DLGAP2: variants seen among roughly 807,000 people sequenced by gnomAD.
DLGAP2 encodes DLG associated protein 2.
A neutral mutation model predicts 100.3 loss-of-function variants in DLGAP2; 26 were observed. That is an observed-to-expected ratio of 0.26 (90% CI 0.19 to 0.36). The LOEUF is 0.36. Ranked by LOEUF, DLGAP2 falls within the 10% of genes least tolerant of loss-of-function variation. DLGAP2 has a pLI of 1.00. For synonymous variants in DLGAP2, 886 were observed against 630.1 expected, an observed-to-expected ratio of 1.41 and a Z score of -6.08; for missense variants, 1,858 against 1,453.2, an observed-to-expected ratio of 1.28 and a Z score of -4.53.
At position 1,548,700 on chromosome 8, in the gene DLGAP2, G is replaced by T; in HGVS notation, c.247G>T (p.Gly83Cys). ...CTCGCCCGCGCCCAGGAGCATGAAG[G>T]GCCTTTCCGGAAGTCGGACCCAGCC... Reference protein sequence around the residue: ...RYSPAPRSMKGLSGSRTQPPL... With the variant: ...RYSPAPRSMKCLSGSRTQPPL... The change falls in exon 5 of 15, where the codon GGC (glycine) becomes TGC (cysteine). Residue 83 changes from glycine to cysteine, a missense_variant. Physicochemically the swap from Gly to Cys is radical, Grantham distance 159. Transcript: ENST00000637795. The T allele has an allele frequency of 6.2e-7, 1 of 1,607,284 alleles. No homozygotes were observed. The highest frequency in any genetic ancestry group is 8.5e-7 in the Non-Finnish European group (1 of 1,178,158).
intron 1 of DLGAP2, among the ~76,000 whole-genome samples, chr8:875,686 C>T (rs1328239873): frequency 2.0e-5 from 3 of 152,170 alleles, no homozygotes; most frequent in Non-Finnish European, 4.4e-5. Context: ...AATATAGTCT[C>T]ATACCTTTTT....
At chr8:1,051,164 C>T (rs1802698491) in intron 2 of DLGAP2, among the ~76,000 whole-genome samples, 1 of 152,020 alleles carries the variant, frequency 6.6e-6, no homozygotes, top group Non-Finnish European at 1.5e-5. Context: ...GGAGCAGCTT[C>T]TTCCTGGGCA....
At chr8:1,523,516 G>T (rs568082497) in intron 4 of DLGAP2, among the ~76,000 whole-genome samples, 2 of 152,188 alleles carry the variant, frequency 1.3e-5, no homozygotes, top group Admixed American at 6.5e-5. Flanking sequence ...CCTTAGACGG[G>T]GGGGAAGGAC....
At chr8:1,435,158 G>A (rs1182898924) in intron 3 of DLGAP2, among the ~76,000 whole-genome samples, 1 of 152,192 alleles carries the variant, frequency 6.6e-6, no homozygotes, top group East Asian at 1.9e-4. Context: ...CACAGTTTGG[G>A]GATATTTGGG....
chr8:947,950 G>A lies in DLGAP2; in HGVS notation c.73+39984G>A, dbSNP rs559830327. Among the ~76,000 whole-genome samples the A allele has an allele frequency of 9.6e-5, 12 of 124,988 alleles. No homozygotes were observed. The East Asian group carries it at 2.1e-3, about 22-fold the overall frequency. The allele number at this position is 124,988 out of a possible 152,430, so 82.0% of individuals were successfully genotyped here. On this transcript the variant is annotated intron_variant, in intron 2 of 14. Transcript: ENST00000637795. ...GTGTGCCATGGGTTCCACCGACCCC[G>A]TGCCAGCCCGCGTGCGCCATGGCTT...
chr8:1,627,023 T>G, intron 7 of DLGAP2, 136 bp downstream of exon 7: 1 of 1,091,060 alleles, frequency 9.2e-7, no homozygotes, highest in Non-Finnish European at 1.3e-6. Context: ...CCAAAGGGGG[T>G]TCCCCTGGAA....
chr8:870,713 C>T (rs1371421859), intron 1 of DLGAP2, among the ~76,000 whole-genome samples: 1 of 152,162 alleles, frequency 6.6e-6, no homozygotes, highest in Non-Finnish European at 1.5e-5. Flanking sequence ...CAGAAACCTC[C>T]TCAGCACCCC....
At chr8:1,155,894 G>A (rs2129052044) in intron 2 of DLGAP2, among the ~76,000 whole-genome samples, 1 of 152,290 alleles carries the variant, frequency 6.6e-6, no homozygotes, top group South Asian at 2.1e-4. Context: ...ATCCAGCGGC[G>A]GGGGAGGCCA....
At chr8:842,316 C>T (rs992059934) in intron 1 of DLGAP2, among the ~76,000 whole-genome samples, 4 of 152,122 alleles carry the variant, frequency 2.6e-5, no homozygotes, top group Non-Finnish European at 5.9e-5. Context: ...ACCTGAAGAC[C>T]AGGTTTGCTG....
chr8:1,547,122 C>T (rs1239081086), intron 4 of DLGAP2, among the ~76,000 whole-genome samples: 2 of 152,090 alleles, frequency 1.3e-5, no homozygotes, highest in African/African-American at 2.4e-5. Context: ...ATGACGGCAG[C>T]CGGGTGTGCT....
intron 2 of DLGAP2, among the ~76,000 whole-genome samples, chr8:947,212 G>A (rs1209263567): frequency 6.6e-6 from 1 of 152,190 alleles, no homozygotes; most frequent in African/African-American, 2.4e-5. Flanking sequence ...AGCCCGGGGA[G>A]CTGCATCTGC....
chr8:1,075,218 C>A (rs1248950925), intron 2 of DLGAP2, among the ~76,000 whole-genome samples: 2 of 152,152 alleles, frequency 1.3e-5, no homozygotes, highest in African/African-American at 4.8e-5. Flanking sequence ...GAGGTTCTGC[C>A]CAGATGACCA....
At chr8:1,359,216 C>T (rs984825456) in intron 3 of DLGAP2, among the ~76,000 whole-genome samples, 2 of 152,164 alleles carry the variant, frequency 1.3e-5, no homozygotes, top group African/African-American at 4.8e-5. Flanking sequence ...CTGGTAAACT[C>T]AACAGGAAAA....
chr8:1,163,907 C>A (rs1485239562), intron 2 of DLGAP2, among the ~76,000 whole-genome samples: 1 of 152,158 alleles, frequency 6.6e-6, no homozygotes, highest in Non-Finnish European at 1.5e-5. Flanking sequence ...GAGAGAAAGT[C>A]CGGCGTCCGC....
At chr8:1,174,276 CCAT>C (rs1053916503) in intron 2 of DLGAP2, among the ~76,000 whole-genome samples, 1 of 151,602 alleles carries the variant, frequency 6.6e-6, no homozygotes, top group Non-Finnish European at 1.5e-5. Flanking sequence ...ACCATCACCA[CCAT>C]CATCACCACC....
chr8:786,675 G>C (rs1230986106), intron 1 of DLGAP2, among the ~76,000 whole-genome samples: 3 of 152,216 alleles, frequency 2.0e-5, no homozygotes, highest in African/African-American at 4.8e-5. Flanking sequence ...GAGGGGCCTC[G>C]CTGCTGGCTG....
chr8:1,658,321 C>A (rs1008774628), intron 8 of DLGAP2, among the ~76,000 whole-genome samples: 2 of 152,224 alleles, frequency 1.3e-5, no homozygotes, highest in South Asian at 2.1e-4. Flanking sequence ...TATGAAAGCT[C>A]CTAGTCTGCA....
At chr8:904,349 A>G (rs778159040) in intron 1 of DLGAP2, among the ~76,000 whole-genome samples, 1 of 152,034 alleles carries the variant, frequency 6.6e-6, no homozygotes, top group African/African-American at 2.4e-5. Flanking sequence ...GCAAAACCCA[A>G]TCTCTACTAA....
intron 2 of DLGAP2, chr8:1,137,295 C>G (rs1000752374): frequency 2.6e-5 from 4 of 152,730 alleles, no homozygotes; most frequent in Non-Finnish European, 4.4e-5. Flanking sequence ...TTGTTTCTTC[C>G]TAGGCCGTCT....
Sources: allele counts gnomAD v4.1 joint callset (sites outside exome capture counted in the v4.1 genomes callset), GRCh38; gene constraint gnomAD v4.1.1; transcripts MANE v1.5; gene names NCBI Gene and HGNC (gene_info 2026-07-23, HGNC 2026-07-21).